Variants in WWOX observed in about 807,000 individuals in gnomAD.
The protein encoded by WWOX is WW domain containing oxidoreductase, also known as WW domain-containing oxidoreductase.
In WWOX, 69 loss-of-function variants were observed where a neutral mutation model predicts 46.2. That is an observed-to-expected ratio of 1.49 (90% CI 1.23 to 1.82). The LOEUF (loss-of-function observed/expected upper bound fraction) is 1.82, where lower values mean the gene tolerates loss of function less well. Among genes scored for constraint, WWOX ranks in the 40% most tolerant of loss-of-function variants. The pLI, the probability that WWOX is intolerant of heterozygous loss-of-function variation, is 0.00. For missense variants in WWOX, 919 were observed against 542.6 expected, an observed-to-expected ratio of 1.69 and a Z score of -6.89; for synonymous variants, 359 against 202.6, an observed-to-expected ratio of 1.77 and a Z score of -6.56.
rs1325346293 is a variant in WWOX, at chr16:78,341,846, GGT to G, written c.517-45012_517-45011del. ...TTATGGAAGGTTAACAGGGCATGGTGGTGCACACCTGTAATTCTAGCACATTG... is the reference window on the plus strand; with the variant it reads ...TTATGGAAGGTTAACAGGGCATGGTGGCACACCTGTAATTCTAGCACATTG... On this transcript the variant is annotated intron_variant, in intron 5 of 8. Transcript: ENST00000566780. Among the ~76,000 whole-genome samples the G allele has an allele frequency of 3.3e-5, 4 of 120,872 alleles. 1 individual carries two copies. Among genetic ancestry groups the G allele is most frequent in the Non-Finnish European group, 7.9e-5 (4 of 50,578 alleles). The allele number at this position is 120,872 out of a possible 152,430, so 79.3% of individuals were successfully genotyped here. A position where few individuals can be genotyped will look rare whatever the true frequency, so the allele number is the denominator to read the frequency against.
chr16:79,001,674 G>C (rs1010535558), intron 8 of WWOX, among the ~76,000 whole-genome samples: 4 of 151,840 alleles, frequency 2.6e-5, no homozygotes, highest in Non-Finnish European at 5.9e-5. Context: ...GTGGCAGGGG[G>C]AGAGATTTCA....
At chr16:78,809,243 A>G (rs1310169966) in intron 8 of WWOX, among the ~76,000 whole-genome samples, 1 of 150,928 alleles carries the variant, frequency 6.6e-6, no homozygotes, top group Non-Finnish European at 1.5e-5. Flanking sequence ...TTGTCTGAGC[A>G]GAATGTTTTT....
At chr16:79,081,744 G>T (rs2048764139) in intron 8 of WWOX, among the ~76,000 whole-genome samples, 1 of 152,080 alleles carries the variant, frequency 6.6e-6, no homozygotes, top group Non-Finnish European at 1.5e-5. Flanking sequence ...GTGAACCATG[G>T]CTTGCGGGGG....
At chr16:78,551,281 G>C (rs1447605429) in intron 8 of WWOX, 1 of 152,120 alleles carries the variant, frequency 6.6e-6, no homozygotes, top group Non-Finnish European at 1.5e-5. Context: ...TTTTTTCTGG[G>C]TGATCTTTAG....
intron 5 of WWOX, among the ~76,000 whole-genome samples, chr16:78,380,725 A>G (rs923103192): frequency 6.6e-6 from 1 of 152,160 alleles, no homozygotes; most frequent in Non-Finnish European, 1.5e-5. Context: ...CCGATAGGGC[A>G]GGTGCTGTTA....
In WWOX at chr16:78,940,184, A is replaced by G. The variant is rs186211697; in HGVS notation, c.1057-271424A>G. The stretch of plus-strand genomic sequence containing the variant: ...ATGTATGCAGATTCTTAAAGCATGA[A>G]TGCTGTATTACACACATTATAAATT... On this transcript the variant is annotated intron_variant, in intron 8 of 8. Coordinates refer to ENST00000566780, the MANE Select transcript of WWOX (RefSeq NM_016373.4). Among the ~76,000 whole-genome samples the G allele has an allele frequency of 2.2e-4, 34 of 152,312 alleles. No individual in the cohort carries two copies. The South Asian group carries it at 2.5e-3, about 11-fold the overall frequency.
At chr16:79,160,538 G>C (rs990760713) in intron 8 of WWOX, among the ~76,000 whole-genome samples, 1 of 152,206 alleles carries the variant, frequency 6.6e-6, no homozygotes, top group Admixed American at 6.5e-5. Flanking sequence ...CTACTTGAAA[G>C]TGTCATATAA....
chr16:78,907,621 G>A (rs891024525), intron 8 of WWOX, among the ~76,000 whole-genome samples: 1 of 152,202 alleles, frequency 6.6e-6, no homozygotes, highest in Non-Finnish European at 1.5e-5. Context: ...GGTTAGATCA[G>A]ATCTCTTTCA....
chr16:79,205,093 C>T (rs11861125), intron 8 of WWOX: 18,608 of 152,232 alleles, frequency 0.12, 2,089 homozygotes, highest in African/African-American at 0.3. Flanking sequence ...CACAGGACAG[C>T]TCACAGGTTC....
At chr16:79,056,965 T>C (rs542803198) in intron 8 of WWOX, among the ~76,000 whole-genome samples, 18 of 152,352 alleles carry the variant, frequency 1.2e-4, no homozygotes, top group African/African-American at 4.1e-4. Flanking sequence ...ATATTTATTA[T>C]CTATCACTTT....
intron 5 of WWOX, among the ~76,000 whole-genome samples, chr16:78,189,863 C>T (rs1361809206): frequency 2.0e-5 from 3 of 152,098 alleles, no homozygotes; most frequent in Non-Finnish European, 4.4e-5. Context: ...CCATGTTTGT[C>T]AGGTTAGACC....
chr16:78,414,257 C>G (rs1185061262), intron 6 of WWOX, among the ~76,000 whole-genome samples: 1 of 152,182 alleles, frequency 6.6e-6, no homozygotes, highest in Non-Finnish European at 1.5e-5. Context: ...CTCCGTCTGC[C>G]TGCACTCAGG....
rs2048317648 is a variant in WWOX, at chr16:78,705,878, C to G, written c.1056+273126C>G. ...TTGCCACAAGGTGGTGGTAGTGTAT[C>G]TTGAGTAAGGAATATGACCTGCTAG... On this transcript the variant is annotated intron_variant, in intron 8 of 8. Transcript: ENST00000566780. 2.6e-5 allele frequency among the ~76,000 whole-genome samples: 4 copies of G among 152,066 alleles called. No homozygotes were observed. In the South Asian group the frequency reaches 8.3e-4, roughly 32 times the overall value.
Position 78,868,906 on chromosome 16 carries a change from C to T in WWOX, c.1057-342702C>T, listed in dbSNP as rs185937493. On this transcript the variant is annotated intron_variant, in intron 8 of 8. Transcript: ENST00000566780. ...GCATCCCTTAGAAATTTGCACTTTTCCCCCCTTTTTCCATTAAAACACACC... is the reference window on the plus strand; with the variant it reads ...GCATCCCTTAGAAATTTGCACTTTTTCCCCCTTTTTCCATTAAAACACACC... 3.1e-3 allele frequency among the ~76,000 whole-genome samples: 471 copies of T among 152,164 alleles called. 1 individual carries two copies. Among genetic ancestry groups the T allele is most frequent in the Non-Finnish European group, 5.0e-3 (340 of 67,996 alleles).
chr16:78,501,682 A>T (rs1170099732), intron 8 of WWOX, among the ~76,000 whole-genome samples: 1 of 152,052 alleles, frequency 6.6e-6, no homozygotes, highest in Non-Finnish European at 1.5e-5. Flanking sequence ...GATTACAGGC[A>T]TCCGCCACCA....
chr16:78,455,295 G>C (rs913060036), intron 8 of WWOX, among the ~76,000 whole-genome samples: 1 of 143,060 alleles, frequency 7.0e-6, no homozygotes, highest in East Asian at 2.1e-4. Flanking sequence ...CAAAGTTATG[G>C]GGGTGCTAAA....
intron 5 of WWOX, among the ~76,000 whole-genome samples, chr16:78,291,061 T>G (rs1420084001): frequency 3.3e-5 from 5 of 152,322 alleles, no homozygotes; most frequent in Middle Eastern, 3.4e-3. Context: ...CTGCCAAGTT[T>G]ACACAGTGCA....
At chr16:78,411,826 A>G (rs1333070621) in intron 6 of WWOX, among the ~76,000 whole-genome samples, 2 of 152,178 alleles carry the variant, frequency 1.3e-5, no homozygotes, top group Admixed American at 6.5e-5. Context: ...TGGTGATCCT[A>G]GCAGCTGAGC....
intron 8 of WWOX, among the ~76,000 whole-genome samples, chr16:78,684,171 C>T (rs1168006622): frequency 2.0e-5 from 3 of 152,096 alleles, no homozygotes; most frequent in Non-Finnish European, 4.4e-5. Context: ...TTTCCCAATT[C>T]CCTAGCGCAG....
Sources: allele counts gnomAD v4.1 joint callset (sites outside exome capture counted in the v4.1 genomes callset), GRCh38; gene constraint gnomAD v4.1.1; transcripts MANE v1.5; gene names NCBI Gene and HGNC (gene_info 2026-07-23, HGNC 2026-07-21).